The following IRF2 variants were observed in gnomAD, a reference collection of about 807,000 sequenced individuals.
IRF2 encodes interferon regulatory factor 2.
A neutral mutation model predicts 40.6 loss-of-function variants in IRF2; 15 were observed. The observed-to-expected ratio is 0.37, with a 90% confidence interval of 0.25 to 0.57. IRF2 has a LOEUF of 0.57. Ranked by LOEUF, IRF2 falls within the 20% of genes least tolerant of loss-of-function variation. The pLI, the probability that IRF2 is intolerant of heterozygous loss-of-function variation, is 0.77. For missense variants in IRF2, 317 were observed against 455.7 expected (o/e 0.70, Z 2.77); for synonymous variants, 151 against 165.5 (o/e 0.91, Z 0.67).
intron 8 of IRF2, among the ~76,000 whole-genome samples, chr4:184,390,481 C>T (rs1221749042): frequency 6.6e-6 from 1 of 152,190 alleles, no homozygotes; most frequent in East Asian, 1.9e-4. Context: ...CTGATGGTAA[C>T]ATTTAACTCC....
At chr4:184,452,460 A>G (rs1738748857) in intron 1 of IRF2, among the ~76,000 whole-genome samples, 1 of 152,156 alleles carries the variant, frequency 6.6e-6, no homozygotes, top group African/African-American at 2.4e-5. Flanking sequence ...GCCGGCTGCC[A>G]TGGAAGTGCA....
chr4:184,458,365 G>C (rs777292563), intron 1 of IRF2, among the ~76,000 whole-genome samples: 8 of 152,196 alleles, frequency 5.3e-5, no homozygotes, highest in Non-Finnish European at 7.3e-5. Flanking sequence ...AGCTCTTTGA[G>C]AGCATGGATC....
intron 1 of IRF2, among the ~76,000 whole-genome samples, chr4:184,471,687 G>A (rs1456393213): frequency 6.6e-6 from 1 of 152,180 alleles, no homozygotes; most frequent in Non-Finnish European, 1.5e-5. Flanking sequence ...TATTTTTCCA[G>A]TAAGTTTAAA....
intron 5 of IRF2, among the ~76,000 whole-genome samples, chr4:184,411,535 C>A (rs1429634642): frequency 6.6e-6 from 1 of 152,180 alleles, no homozygotes; most frequent in East Asian, 1.9e-4. Flanking sequence ...CTCACTGACA[C>A]CGTCACTCTG....
At chr4:184,440,027 T>G (rs781717214) in intron 1 of IRF2, among the ~76,000 whole-genome samples, 1 of 152,214 alleles carries the variant, frequency 6.6e-6, no homozygotes, top group Admixed American at 6.5e-5. Context: ...CTGAGAAAGG[T>G]CCCCACAAAC....
intron 1 of IRF2, among the ~76,000 whole-genome samples, chr4:184,460,045 C>T (rs1356593133): frequency 6.6e-6 from 1 of 152,124 alleles, no homozygotes; most frequent in African/African-American, 2.4e-5. Context: ...ACTTTTATAC[C>T]AATGATCACA....
At chr4:184,441,926 T>G (rs1386551423) in intron 1 of IRF2, among the ~76,000 whole-genome samples, 1 of 152,156 alleles carries the variant, frequency 6.6e-6, no homozygotes, top group Non-Finnish European at 1.5e-5. Flanking sequence ...AGGCCCTGAC[T>G]TAGCATTTGG....
intron 1 of IRF2, among the ~76,000 whole-genome samples, chr4:184,440,696 C>A (rs2149908942): frequency 6.6e-6 from 1 of 152,342 alleles, no homozygotes; most frequent in Non-Finnish European, 1.5e-5. Context: ...AATTTCAGAT[C>A]CCTCCCTGCC....
chr4:184,419,444 T>C, intron 3 of IRF2, 25 bp downstream of exon 3: 2 of 1,463,062 alleles, frequency 1.4e-6, no homozygotes, highest in Non-Finnish European at 1.9e-6. Context: ...CCTTCCTCTA[T>C]AAACGCCGCA....
intron 2 of IRF2, among the ~76,000 whole-genome samples, chr4:184,420,441 G>GC (rs1737443194): frequency 6.6e-6 from 1 of 152,218 alleles, no homozygotes; most frequent in South Asian, 2.1e-4. Flanking sequence ...TCTACTGCCT[G>GC]CAAGAAATAG....
rs2149900560 is a variant in IRF2, at chr4:184,419,552, T to C, written c.104A>G (p.Gln35Arg). 1 of 1,314,674 alleles carries C rather than the reference T, an allele frequency of 7.6e-7. No individual in the cohort carries two copies. 81.4% of individuals were successfully genotyped at this position (1,314,674 alleles called of 1,614,324 possible). Residue 35 changes from glutamine (Q) to arginine (R), a missense_variant, in exon 3 of 9, where the codon CAG becomes CGG. Physicochemically the swap from Gln to Arg is conservative, Grantham distance 43. Around this residue, in one of 2 missense-constraint regions of IRF2, gnomAD observed 55 missense variants for 121.7 expected, o/e 0.45. Transcript: ENST00000393593. ...KWLNKEKKIFQIPWMHAARHG... is the reference protein window; with the variant it reads ...KWLNKEKKIFRIPWMHAARHG... ...TCTAGCCGCATGCATCCAGGGGATC[T>C]GAAAAATCTTCTTTTCCTGAAAAAA...
At chr4:184,409,126 C>G (rs1289346438) in intron 5 of IRF2, among the ~76,000 whole-genome samples, 2 of 152,102 alleles carry the variant, frequency 1.3e-5, no homozygotes, top group Non-Finnish European at 2.9e-5. Context: ...GCAATCAAGT[C>G]AGACAAAAGC....
chr4:184,449,498 A>C (rs1235287303), intron 1 of IRF2, among the ~76,000 whole-genome samples: 1 of 152,224 alleles, frequency 6.6e-6, no homozygotes, highest in Non-Finnish European at 1.5e-5. Flanking sequence ...AACGCTCAAT[A>C]AATATTAGTT....
At chr4:184,416,156 A>AT (rs1298608882) in intron 5 of IRF2, among the ~76,000 whole-genome samples, 1 of 151,888 alleles carries the variant, frequency 6.6e-6, no homozygotes, top group Non-Finnish European at 1.5e-5. Flanking sequence ...ATAAAAGAAA[A>AT]TTTTTTTAAA....
rs778563418 is a variant in IRF2, at chr4:184,402,819, A to G, written c.530-3740T>C. 5.3e-5 allele frequency among the ~76,000 whole-genome samples: 8 copies of G among 152,214 alleles called. 1 individual carries two copies. Among genetic ancestry groups the G allele is most frequent in the Admixed American group, 3.3e-4 (5 of 15,282 alleles). On this transcript the variant is annotated intron_variant, in intron 6 of 8. Transcript: ENST00000393593. ...GCCAGGGAGGAAACGTGTTGGGGTG[A>G]TGAAAATGTTCTGTCTTGACTATGG... is the stretch of plus-strand genomic sequence containing the variant.
chr4:184,404,599 GT>G (rs1226553401), intron 6 of IRF2, among the ~76,000 whole-genome samples: 2 of 152,128 alleles, frequency 1.3e-5, no homozygotes, highest in Non-Finnish European at 2.9e-5. Context: ...AGATTAAGGA[GT>G]TTGCCCAAAA....
intron 1 of IRF2, among the ~76,000 whole-genome samples, chr4:184,455,274 T>A: frequency 4.4e-5 from 1 of 22,764 alleles, no homozygotes; most frequent in Non-Finnish European, 8.1e-5. Context: ...TCCCTCTCCC[T>A]CCCCTCCCCC....
At chr4:184,457,899 T>A (rs1739003338) in intron 1 of IRF2, among the ~76,000 whole-genome samples, 2 of 152,120 alleles carry the variant, frequency 1.3e-5, no homozygotes, top group Admixed American at 1.3e-4. Flanking sequence ...AACCCTTCCT[T>A]ACTGGGAAAC....
In IRF2 at chr4:184,461,965, C is replaced by T. The variant is rs578026076; in HGVS notation, c.-7+12414G>A. Among the ~76,000 whole-genome samples, 19 of 152,312 alleles carry T rather than the reference C, an allele frequency of 1.2e-4. No individual in the cohort carries two copies. The South Asian group carries it at 3.5e-3, about 28-fold the overall frequency. ...AAAGAGGAGCAGCAGTCCTGCCCCACATCCCCAGGTGTCCAGCCTCCGTCT... is the reference window on the plus strand; with the variant it reads ...AAAGAGGAGCAGCAGTCCTGCCCCATATCCCCAGGTGTCCAGCCTCCGTCT... On this transcript the variant is annotated intron_variant, in intron 1 of 8. Coordinates refer to ENST00000393593, the MANE Select transcript of IRF2 (RefSeq NM_002199.4).
Sources: gnomAD v4.1 joint callset for allele counts (sites outside exome capture counted in the v4.1 genomes callset) on GRCh38, gnomAD v4.1.1 for gene constraint, gnomAD v4.1.1 regional missense constraint, MANE v1.5 for transcripts, NCBI Gene and HGNC (gene_info 2026-07-23, HGNC 2026-07-21) for gene names.